Variants in CLN8 observed in about 807,000 individuals in gnomAD.
The protein encoded by CLN8 is CLN8 transmembrane ER and ERGIC protein.
Under a neutral mutation model 15.7 loss-of-function variants are expected in CLN8, and 14 were observed. The ratio of observed to expected loss-of-function variants is 0.89; its 90% CI spans 0.59 to 1.39. The LOEUF (loss-of-function observed/expected upper bound fraction) is 1.39. Among genes scored for constraint, CLN8 ranks in the 40% most tolerant of loss-of-function variants. The probability of loss-of-function intolerance (pLI) is 0.00; values close to 1 mark genes in which losing one functional copy is unlikely to be tolerated. For missense variants in CLN8, 415 were observed against 364.0 expected, an observed-to-expected ratio of 1.14 and a Z score of -1.14; for synonymous variants, 188 against 151.0, an observed-to-expected ratio of 1.25 and a Z score of -1.80.
At chr8:1,777,692 A>G (rs1466959277) in intron 2 of CLN8, among the ~76,000 whole-genome samples, 1 of 152,158 alleles carries the variant, frequency 6.6e-6, no homozygotes, top group Non-Finnish European at 1.5e-5. Flanking sequence ...AGGATCATCC[A>G]TATCACTGTC....
At chr8:1,779,271 T>G (rs74621323) in intron 2 of CLN8, among the ~76,000 whole-genome samples, 1 of 152,086 alleles carries the variant, frequency 6.6e-6, no homozygotes, top group Non-Finnish European at 1.5e-5. Context: ...TTTGAGACAG[T>G]CTTGCTCTTT....
chr8:1,771,882 G>A (rs1335662211), intron 2 of CLN8, among the ~76,000 whole-genome samples: 1 of 151,970 alleles, frequency 6.6e-6, no homozygotes, highest in African/African-American at 2.4e-5. Context: ...TTATGGCTCA[G>A]TAGATAGCGT....
In CLN8 at chr8:1,782,345, A is replaced by C; in HGVS notation, c.*1778A>C. ...TTTTTAGTAGAGACAGGGTTTCACC[A>C]TGTTGGCCAGGCTGGTCTCTGACTC... On this transcript the variant is annotated 3_prime_UTR_variant, in exon 3 of 3. Transcript: ENST00000331222. 6.6e-6 allele frequency: 1 copy of C among 152,076 alleles called. No individual in the cohort carries two copies. The highest frequency in any genetic ancestry group is 1.5e-5 in the Non-Finnish European group (1 of 68,026). The allele number at this position is 152,076 out of a possible 1,614,324, so 9.4% of individuals were successfully genotyped here.
At chr8:1,753,168 G>T (rs1049262599), upstream of CLN8, among the ~76,000 whole-genome samples, 1 of 152,144 alleles carries the variant, frequency 6.6e-6, no homozygotes, top group African/African-American at 2.4e-5. Flanking sequence ...TACGTGGCAA[G>T]GTGTGCAGCT....
Position 1,781,953 on chromosome 8 carries a change from T to TTGTGTGTGTGTGTGTGTGTGTG in CLN8, c.*1393_*1414dup, listed in dbSNP as rs10638018. On this transcript the variant is annotated 3_prime_UTR_variant, in exon 3 of 3. Coordinates refer to ENST00000331222, the MANE Select transcript of CLN8 (RefSeq NM_018941.4). ...CAATGTTGTTAACAGACATACAGAA[T>TTGTGTGTGTGTGTGTGTGTGTG]TGTGTGTGTGTGTGTGTGTGTGTGT... 1 of 147,880 alleles carries TTGTGTGTGTGTGTGTGTGTGTG rather than the reference T, an allele frequency of 6.8e-6. No individual in the cohort carries two copies. The highest frequency in any genetic ancestry group is 2.5e-5 in the African/African-American group (1 of 40,068). 9.2% of individuals were successfully genotyped at this position (147,880 alleles called of 1,614,324 possible). A position where few individuals can be genotyped will look rare whatever the true frequency, so the allele number is the denominator to read the frequency against.
chr8:1,767,565 CTTTTTTT>C (rs1156569423), intron 1 of CLN8, among the ~76,000 whole-genome samples: 3 of 81,310 alleles, frequency 3.7e-5, no homozygotes, highest in African/African-American at 1.0e-4. Context: ...ATGTTTCTTT[CTTTTTTT>C]TTTTTTTTTT....
intron 2 of CLN8, among the ~76,000 whole-genome samples, chr8:1,778,641 C>T (rs1356262982): frequency 1.3e-5 from 2 of 152,156 alleles, no homozygotes; most frequent in African/African-American, 4.8e-5. Context: ...TGTGGAAAGC[C>T]GCACTGGCGG....
At chr8:1,766,144 C>A (rs1050558441) in intron 1 of CLN8, among the ~76,000 whole-genome samples, 6 of 152,146 alleles carry the variant, frequency 3.9e-5, no homozygotes, top group Admixed American at 1.3e-4. Context: ...TTTTAAAAAA[C>A]TTCATGGCCC....
At chr8:1,770,689 G>A (rs1018048886) in intron 1 of CLN8, among the ~76,000 whole-genome samples, 17 of 152,278 alleles carry the variant, frequency 1.1e-4, no homozygotes, top group Admixed American at 8.5e-4. Flanking sequence ...GCATAGGACC[G>A]TGTGTTCCTG....
At chr8:1,757,506 T>C (rs1014108670) in intron 1 of CLN8, among the ~76,000 whole-genome samples, 7 of 152,340 alleles carry the variant, frequency 4.6e-5, no homozygotes, top group Admixed American at 2.0e-4. Flanking sequence ...AGTGGCACAG[T>C]CTCAGTTCAC....
intron 1 of CLN8, among the ~76,000 whole-genome samples, chr8:1,769,392 T>C (rs1244158475): frequency 1.3e-5 from 2 of 152,230 alleles, no homozygotes; most frequent in Non-Finnish European, 1.5e-5. Flanking sequence ...CTTCTGGCTC[T>C]AGTCCTGCTG....
intron 2 of CLN8, chr8:1,772,939 G>A (rs1273725643): frequency 7.5e-6 from 3 of 398,426 alleles, no homozygotes; most frequent in Non-Finnish European, 1.3e-5. Context: ...TGGTAGCCTC[G>A]AGAGGAAAAA....
chr8:1,767,353 G>T (rs1801105884), intron 1 of CLN8, among the ~76,000 whole-genome samples: 2 of 152,100 alleles, frequency 1.3e-5, no homozygotes, highest in Admixed American at 6.6e-5. Context: ...TGCCAGGAGG[G>T]TTTGCCCACT....
intron 1 of CLN8, chr8:1,764,410 G>C (rs1354278915): frequency 6.6e-6 from 1 of 152,420 alleles, no homozygotes; most frequent in Non-Finnish European, 1.5e-5. Context: ...CCTCAGACCG[G>C]CTGGGCAAGT....
intron 1 of CLN8, among the ~76,000 whole-genome samples, chr8:1,769,006 C>G (rs1801193651): frequency 6.6e-6 from 1 of 152,182 alleles, no homozygotes; most frequent in Non-Finnish European, 1.5e-5. Flanking sequence ...CCTGTGTGCC[C>G]TGAACTCACG....
rs563590030 is a variant in CLN8, at chr8:1,768,983, A to G, written c.-123-1949A>G. ...CCCTCAGTTGTCATCCATAGCATCT[A>G]TCAGAGAGCACGCCTGTGTGCCCTG... On this transcript the variant is annotated intron_variant, in intron 1 of 2. Coordinates refer to ENST00000331222, the MANE Select transcript of CLN8 (RefSeq NM_018941.4). Among the ~76,000 whole-genome samples, 4 of 152,346 alleles carry G rather than the reference A, an allele frequency of 2.6e-5. No individual in the cohort carries two copies. In the East Asian group the frequency reaches 5.8e-4, roughly 22 times the overall value.
upstream of CLN8, among the ~76,000 whole-genome samples, chr8:1,754,240 G>A (rs935658477): frequency 2.6e-5 from 4 of 152,192 alleles, no homozygotes; most frequent in Non-Finnish European, 5.9e-5. Flanking sequence ...CTGCTGGCCT[G>A]CCCGTTGCTC....
At chr8:1,765,080 G>A (rs1340884290) in intron 1 of CLN8, 1 of 152,232 alleles carries the variant, frequency 6.6e-6, no homozygotes, top group African/African-American at 2.4e-5. Flanking sequence ...TGGCCGTCAT[G>A]GAGGCTGTGG....
upstream of CLN8, chr8:1,759,548 C>T (rs1317771993): frequency 6.6e-6 from 1 of 152,198 alleles, no homozygotes; most frequent in African/African-American, 2.4e-5. Context: ...GGAACTGTCA[C>T]TGCATTGACC....
Sources: gnomAD v4.1 joint callset for allele counts (sites outside exome capture counted in the v4.1 genomes callset) on GRCh38, gnomAD v4.1.1 for gene constraint, MANE v1.5 for transcripts, NCBI Gene and HGNC (gene_info 2026-07-23, HGNC 2026-07-21) for gene names.